The following ASTN2 variants were observed in gnomAD, a reference collection of about 807,000 sequenced individuals.
ASTN2 encodes the protein astrotactin-2.
ASTN2 carries 54 observed loss-of-function variants against 139.8 expected under a neutral mutation model. That is an observed-to-expected ratio of 0.39 (90% CI 0.31 to 0.48). ASTN2 has a LOEUF of 0.48. ASTN2 is among the 20% of genes least tolerant of loss of function. The pLI, the probability that ASTN2 is intolerant of heterozygous loss-of-function variation, is 0.95. For missense variants in ASTN2, 1,565 were observed against 1,725.1 expected (o/e 0.91, Z 1.64); for synonymous variants, 756 against 719.5 (o/e 1.05, Z -0.81).
Position 117,084,898 on chromosome 9 carries a change from T to C in ASTN2, c.1276+11146A>G, listed in dbSNP as rs142299430. Among the ~76,000 whole-genome samples the C allele has an allele frequency of 5.6e-4, 85 of 152,300 alleles. No homozygotes were observed. The East Asian group carries it at 0.015, about 27-fold the overall frequency. On this transcript the variant is annotated intron_variant, in intron 5 of 22. Coordinates refer to ENST00000313400, the MANE Select transcript of ASTN2 (RefSeq NM_001365068.1). ...CTATGAAATGGGTTGATTCTTGGAA[T>C]TGGCATTTTAAAAAGTGATTCTGAG...
At chr9:117,081,533 G>A (rs536000163) in intron 5 of ASTN2, among the ~76,000 whole-genome samples, 1 of 152,198 alleles carries the variant, frequency 6.6e-6, no homozygotes, top group Admixed American at 6.5e-5. Context: ...ACTATGATAG[G>A]ATATCACTCC....
In ASTN2 at chr9:116,728,412, G is replaced by A. The variant is rs376851800; in HGVS notation, c.2626+580C>T. ...ACAAAGAGGTCCAGGCAGAGGGAACGGTATGGGCAAAGTCACTGTGGCATG... is the reference window on the plus strand; with the variant it reads ...ACAAAGAGGTCCAGGCAGAGGGAACAGTATGGGCAAAGTCACTGTGGCATG... On this transcript the variant is annotated intron_variant, in intron 15 of 22. Transcript: ENST00000313400. Among the ~76,000 whole-genome samples the A allele has an allele frequency of 7.2e-5, 11 of 152,132 alleles. No individual in the cohort carries two copies. The South Asian group carries it at 8.3e-4, about 11-fold the overall frequency.
chr9:117,286,923 C>A (rs1456562909), intron 2 of ASTN2, among the ~76,000 whole-genome samples: 1 of 152,236 alleles, frequency 6.6e-6, no homozygotes, highest in East Asian at 1.9e-4. Flanking sequence ...TGCCCAAGCA[C>A]ACAGACTCTC....
intron 1 of ASTN2, among the ~76,000 whole-genome samples, chr9:117,301,314 C>T (rs1834869686): frequency 6.6e-6 from 1 of 152,174 alleles, no homozygotes; most frequent in Non-Finnish European, 1.5e-5. Context: ...TTCTCCTCTT[C>T]CTTGTCCCAC....
chr9:116,781,032 G>T (rs749724854), intron 13 of ASTN2, among the ~76,000 whole-genome samples: 122 of 152,068 alleles, frequency 8.0e-4, no homozygotes, highest in Non-Finnish European at 1.4e-3. Flanking sequence ...TAGAGACGGG[G>T]TTTCTCCATG....
intron 17 of ASTN2, among the ~76,000 whole-genome samples, chr9:116,625,579 C>T (rs189074212): frequency 3.0e-5 from 2 of 67,358 alleles, no homozygotes; most frequent in African/African-American, 1.1e-4. Flanking sequence ...CTTTCTAAAA[C>T]ACCTCTTGCT....
intron 2 of ASTN2, among the ~76,000 whole-genome samples, chr9:117,274,448 TC>T (rs1389208845): frequency 1.3e-5 from 2 of 152,176 alleles, no homozygotes; most frequent in East Asian, 3.9e-4. Flanking sequence ...TCTGTAGGGT[TC>T]TTGGGAGGCT....
At chr9:116,626,166 T>G (rs1273864421) in intron 17 of ASTN2, among the ~76,000 whole-genome samples, 2 of 125,304 alleles carry the variant, frequency 1.6e-5, no homozygotes, top group African/African-American at 3.5e-5. Context: ...TTTTTTTTTT[T>G]TTTTTTTTTT....
chr9:116,895,143 T>C (rs1415076861), intron 10 of ASTN2, among the ~76,000 whole-genome samples: 1 of 152,218 alleles, frequency 6.6e-6, no homozygotes, highest in Non-Finnish European at 1.5e-5. Context: ...ACATGACACC[T>C]CAGGTGGAAA....
chr9:117,020,500 A>G (rs909324263), intron 6 of ASTN2, among the ~76,000 whole-genome samples: 6 of 151,904 alleles, frequency 3.9e-5, no homozygotes, highest in Non-Finnish European at 7.4e-5. Context: ...TTTCCTCCTT[A>G]CTACCCGTAT....
intron 4 of ASTN2, among the ~76,000 whole-genome samples, chr9:117,121,938 G>A (rs1278880765): frequency 1.3e-5 from 2 of 152,086 alleles, no homozygotes; most frequent in Non-Finnish European, 2.9e-5. Context: ...GGGGAAATCC[G>A]CCCCCAAGAT....
chr9:117,104,916 G>C (rs1829066975), intron 4 of ASTN2, among the ~76,000 whole-genome samples: 2 of 152,018 alleles, frequency 1.3e-5, no homozygotes, highest in South Asian at 2.1e-4. Context: ...CCCAAGAAAG[G>C]AAATGACCCA....
intron 13 of ASTN2, among the ~76,000 whole-genome samples, chr9:116,791,744 T>A (rs1157290989): frequency 6.6e-6 from 1 of 152,212 alleles, no homozygotes; most frequent in Non-Finnish European, 1.5e-5. Flanking sequence ...TGCATTTGAG[T>A]GTAATGAAAT....
chr9:117,230,990 T>A (rs910229951), intron 2 of ASTN2, among the ~76,000 whole-genome samples: 1 of 152,208 alleles, frequency 6.6e-6, no homozygotes, highest in Non-Finnish European at 1.5e-5. Context: ...CACCTGGGGA[T>A]GCTCATTAAA....
intron 2 of ASTN2, among the ~76,000 whole-genome samples, chr9:117,226,780 C>G (rs2133048045): frequency 6.6e-6 from 1 of 152,306 alleles, no homozygotes; most frequent in East Asian, 1.9e-4. Flanking sequence ...CTGCATGCTG[C>G]TACAATCATC....
intron 10 of ASTN2, among the ~76,000 whole-genome samples, chr9:116,951,393 G>GTAT (rs1464396794): frequency 7.4e-6 from 1 of 135,842 alleles, no homozygotes; most frequent in East Asian, 2.4e-4. Flanking sequence ...ATACTGCCAT[G>GTAT]TATGAGCCCA....
chr9:116,818,640 A>T (rs1831402065), intron 12 of ASTN2, among the ~76,000 whole-genome samples: 1 of 152,246 alleles, frequency 6.6e-6, no homozygotes, highest in Admixed American at 6.5e-5. Context: ...CTAGTGCATC[A>T]GGTCACTAGC....
At chr9:117,195,643 C>G (rs999561279) in intron 3 of ASTN2, among the ~76,000 whole-genome samples, 5 of 152,116 alleles carry the variant, frequency 3.3e-5, no homozygotes, top group African/African-American at 1.2e-4. Context: ...TGTGAAGAAG[C>G]TTGAACACCA....
chr9:117,392,319 G>A (rs1830561966), intron 1 of ASTN2, among the ~76,000 whole-genome samples: 1 of 152,154 alleles, frequency 6.6e-6, no homozygotes, highest in Non-Finnish European at 1.5e-5. Context: ...ATTGAAATGA[G>A]GGGAAACAAA....
Sources: allele counts gnomAD v4.1 joint callset (sites outside exome capture counted in the v4.1 genomes callset), GRCh38; gene constraint gnomAD v4.1.1; transcripts MANE v1.5; gene names NCBI Gene and HGNC (gene_info 2026-07-23, HGNC 2026-07-21).